SLC39A10: variants seen among roughly 807,000 people sequenced by gnomAD.
The protein encoded by SLC39A10 is zinc transporter ZIP10.
A neutral mutation model predicts 65.1 loss-of-function variants in SLC39A10; 13 were observed. The ratio of observed to expected loss-of-function variants is 0.20; its 90% CI spans 0.13 to 0.32. The LOEUF (loss-of-function observed/expected upper bound fraction) is 0.32. Among genes scored for constraint, SLC39A10 ranks in the 10% least tolerant of loss-of-function variants. The pLI, the probability that SLC39A10 is intolerant of heterozygous loss-of-function variation, is 1.00. For synonymous variants in SLC39A10, 321 were observed against 342.2 expected, an observed-to-expected ratio of 0.94 and a Z score of 0.68; for missense variants, 831 against 1,018.4, an observed-to-expected ratio of 0.82 and a Z score of 2.50.
At chr2:195,616,441 G>A (rs1242148301) in intron 2 of SLC39A10, among the ~76,000 whole-genome samples, 2 of 151,766 alleles carry the variant, frequency 1.3e-5, no homozygotes, top group South Asian at 2.1e-4. Flanking sequence ...CAAGTAGCTG[G>A]GACTACAGGT....
chr2:195,691,695 C>G (rs879884782), intron 3 of SLC39A10, among the ~76,000 whole-genome samples: 1 of 152,150 alleles, frequency 6.6e-6, no homozygotes, highest in Non-Finnish European at 1.5e-5. Context: ...TGCCCTGAGC[C>G]ACTTTTAGAT....
intron 2 of SLC39A10, among the ~76,000 whole-genome samples, chr2:195,635,069 A>G (rs1486122728): frequency 6.6e-6 from 1 of 152,080 alleles, no homozygotes; most frequent in East Asian, 1.9e-4. Flanking sequence ...AAAACAAAAC[A>G]AAAAACAAAA....
At chr2:195,648,027 C>T (rs1688960498) in intron 2 of SLC39A10, among the ~76,000 whole-genome samples, 3 of 152,204 alleles carry the variant, frequency 2.0e-5, no homozygotes, top group Non-Finnish European at 4.4e-5. Context: ...AGGTCCCACT[C>T]TGTCACCCAG....
chr2:195,657,880 G>A (rs900120550), intron 1 of SLC39A10, among the ~76,000 whole-genome samples: 3 of 152,188 alleles, frequency 2.0e-5, no homozygotes, highest in African/African-American at 7.2e-5. Context: ...GGACGGCGGC[G>A]CCTCTGCTCC....
At chr2:195,670,542 A>G (rs2105750061) in intron 1 of SLC39A10, 1 of 152,298 alleles carries the variant, frequency 6.6e-6, no homozygotes, top group Non-Finnish European at 1.5e-5. Flanking sequence ...GTATTTTGTT[A>G]AGCAATATCT....
chr2:195,669,286 T>A (rs1689756764), intron 1 of SLC39A10, among the ~76,000 whole-genome samples: 1 of 152,188 alleles, frequency 6.6e-6, no homozygotes. Context: ...TGTAGTATAT[T>A]TTAGATGACT....
Position 195,667,079 on chromosome 2 carries a change from T to C in SLC39A10, c.-12+9798T>C, listed in dbSNP as rs537108150. Among the ~76,000 whole-genome samples, 108 of 152,362 alleles carry C rather than the reference T, an allele frequency of 7.1e-4. No homozygotes were observed. In the Middle Eastern group the frequency reaches 0.024, roughly 34 times the overall value. On this transcript the variant is annotated intron_variant, in intron 1 of 9. Coordinates refer to ENST00000359634, the MANE Select transcript of SLC39A10 (RefSeq NM_020342.3). ...ATTGATTTGATACTTTAAATCAAGG[T>C]ATAAATGTTTATATTCTCTCTCAAG...
intron 2 of SLC39A10, among the ~76,000 whole-genome samples, chr2:195,631,338 AACTTGT>A (rs1445639754): frequency 1.3e-5 from 2 of 152,086 alleles, no homozygotes; most frequent in African/African-American, 4.8e-5. Context: ...AAGTTTAAAT[AACTTGT>A]ACTTAAAAAA....
intron 1 of SLC39A10, among the ~76,000 whole-genome samples, chr2:195,663,964 G>GT (rs897664924): frequency 2.6e-5 from 4 of 151,292 alleles, no homozygotes; most frequent in Admixed American, 6.6e-5. Flanking sequence ...CTTCTCTCCC[G>GT]TTTTTTCCAA....
At chr2:195,683,424 A>G (rs2105775825) in intron 2 of SLC39A10, among the ~76,000 whole-genome samples, 1 of 152,182 alleles carries the variant, frequency 6.6e-6, no homozygotes, top group South Asian at 2.1e-4. Flanking sequence ...TCTTGGGGAT[A>G]TAGTTGTGAG....
chr2:195,700,165 T>A (rs1691122440), intron 3 of SLC39A10, among the ~76,000 whole-genome samples: 1 of 152,208 alleles, frequency 6.6e-6, no homozygotes, highest in Non-Finnish European at 1.5e-5. Context: ...GTGTTTTTAT[T>A]CATTCTGCCA....
At chr2:195,706,592 T>C (rs773224611) in intron 3 of SLC39A10, 24 bp from the exon 4 acceptor site, 1 of 1,601,678 alleles carries the variant, frequency 6.2e-7, no homozygotes, top group Admixed American at 1.7e-5. Context: ...ATACTAATGT[T>C]GACTCTTAAT....
chr2:195,707,333 A>G (rs2105812175), intron 4 of SLC39A10, among the ~76,000 whole-genome samples: 1 of 152,238 alleles, frequency 6.6e-6, no homozygotes, highest in East Asian at 1.9e-4. Flanking sequence ...GTTGCTCTCT[A>G]TAACCTATCA....
intron 5 of SLC39A10, among the ~76,000 whole-genome samples, chr2:195,713,079 G>A (rs953737332): frequency 1.4e-4 from 21 of 152,102 alleles, no homozygotes; most frequent in Non-Finnish European, 2.1e-4. Context: ...ATTCAAACAA[G>A]CTTTAGTTTT....
intron 5 of SLC39A10, among the ~76,000 whole-genome samples, chr2:195,711,468 T>C (rs544903216): frequency 2.5e-4 from 38 of 152,288 alleles, no homozygotes; most frequent in Non-Finnish European, 4.3e-4. Flanking sequence ...TCTCTAAATA[T>C]TAAATAGTAA....
intron 1 of SLC39A10, among the ~76,000 whole-genome samples, chr2:195,678,720 C>T (rs1438243244): frequency 6.6e-6 from 1 of 151,932 alleles, no homozygotes; most frequent in Non-Finnish European, 1.5e-5. Flanking sequence ...AGCCACACGT[C>T]TGTTGAGCAC....
chr2:195,732,368 A>G (rs1692457527), intron 9 of SLC39A10, among the ~76,000 whole-genome samples: 1 of 152,188 alleles, frequency 6.6e-6, no homozygotes, highest in South Asian at 2.1e-4. Context: ...CTAGTTGTAG[A>G]GGACTTTGGG....
rs919078462 is a variant in SLC39A10, at chr2:195,680,619, A to G, written c.577A>G (p.Thr193Ala). ...RLHHHLDHNN[T>A]HHFHNDSITP... Reference sequence around the variant, plus strand: ...GCATCATCATCTTGATCATAACAACACTCACCATTTTCATAATGATTCCAT... The same window carrying G: ...GCATCATCATCTTGATCATAACAACGCTCACCATTTTCATAATGATTCCAT... The change falls in exon 2 of 10, where the codon ACT becomes GCT. Residue 193 changes from threonine to alanine, a missense_variant. Physicochemically the swap from Thr to Ala is moderately conservative, Grantham distance 58. This residue lies in a region of SLC39A10 where 446 missense variants were observed against 499.2 expected (regional missense o/e 0.89). Coordinates refer to ENST00000359634, the MANE Select transcript of SLC39A10 (RefSeq NM_020342.3). 1.2e-6 allele frequency: 2 copies of G among 1,613,968 alleles called. No homozygotes were observed. Among genetic ancestry groups the G allele is most frequent in the Admixed American group, 1.7e-5 (1 of 59,986 alleles).
intron 8 of SLC39A10, among the ~76,000 whole-genome samples, chr2:195,721,499 CTTAGTT>C (rs1692037194): frequency 6.6e-6 from 1 of 151,828 alleles, no homozygotes; most frequent in Non-Finnish European, 1.5e-5. Context: ...ACTGTTTCCT[CTTAGTT>C]TTATTGTTTG....
Sources: gnomAD v4.1 joint callset for allele counts (sites outside exome capture counted in the v4.1 genomes callset) on GRCh38, gnomAD v4.1.1 for gene constraint, gnomAD v4.1.1 regional missense constraint, MANE v1.5 for transcripts, NCBI Gene and HGNC (gene_info 2026-07-23, HGNC 2026-07-21) for gene names.